NICN1: variants seen among roughly 807,000 people sequenced by gnomAD.
NICN1 encodes nicolin-1.
A neutral mutation model predicts 26.3 loss-of-function variants in NICN1; 18 were observed. That is an observed-to-expected ratio of 0.68 (90% CI 0.47 to 1.01). The LOEUF (loss-of-function observed/expected upper bound fraction) is 1.01. NICN1 is among the 50% of genes least tolerant of loss of function. NICN1 has a pLI of 0.00. For missense variants in NICN1, 239 were observed against 278.3 expected (o/e 0.86, Z 1.00); for synonymous variants, 109 against 111.0 (o/e 0.98, Z 0.11).
Position 49,423,174 on chromosome 3 carries a change from AC to A in NICN1, c.*1658del, listed in dbSNP as rs1455271638. 1 of 154,656 alleles carries A rather than the reference AC, an allele frequency of 6.5e-6. No homozygotes were observed. Among genetic ancestry groups the A allele is most frequent in the African/African-American group, 2.4e-5 (1 of 41,440 alleles). 9.6% of individuals were successfully genotyped at this position (154,656 alleles called of 1,614,324 possible). ...TCACAGGTGAGAACAGAGGGTGGCC[AC>A]CAAAAGGTCACTGAACTCCCCCGAG... is the stretch of plus-strand genomic sequence containing the variant. On this transcript the variant is annotated 3_prime_UTR_variant, in exon 6 of 6. Coordinates refer to ENST00000273598, the MANE Select transcript of NICN1 (RefSeq NM_032316.3).
chr3:49,422,761 G>T lies in NICN1; in HGVS notation c.*2072C>A, dbSNP rs2049134780. On this transcript the variant is annotated 3_prime_UTR_variant, in exon 6 of 6. Transcript: ENST00000273598. ...TGCAGAACCGCCCTGTCTCCAGAGGGTCAAAGTTCTGGAAAGGGCTGAAAG... is the reference window on the plus strand; with the variant it reads ...TGCAGAACCGCCCTGTCTCCAGAGGTTCAAAGTTCTGGAAAGGGCTGAAAG... The T allele has an allele frequency of 4.0e-6, 2 of 496,686 alleles. No homozygotes were observed. The highest frequency in any genetic ancestry group is 6.3e-5 in the Admixed American group (2 of 31,688). 30.8% of individuals were successfully genotyped at this position (496,686 alleles called of 1,614,324 possible).
At chr3:49,428,575 G>A (rs535613612) in intron 1 of NICN1, among the ~76,000 whole-genome samples, 1 of 152,014 alleles carries the variant, frequency 6.6e-6, no homozygotes, top group African/African-American at 2.4e-5. Flanking sequence ...TACAAAATTA[G>A]CTGGGCATGG....
chr3:49,426,750 A>G (rs898139070), intron 1 of NICN1, among the ~76,000 whole-genome samples: 4 of 152,058 alleles, frequency 2.6e-5, no homozygotes, highest in Non-Finnish European at 4.4e-5. Flanking sequence ...GGATGCTCTC[A>G]AATTCCTGAC....
At chr3:49,424,926 A>G (rs371751062) in intron 5 of NICN1, 23 bp downstream of exon 5, 7 of 1,613,388 alleles carry the variant, frequency 4.3e-6, no homozygotes, top group South Asian at 1.1e-5. Flanking sequence ...AAGCAAGCCA[A>G]GCAGAAGGAA....
At chr3:49,426,175 T>G in intron 2 of NICN1, 77 bp downstream of exon 2, 6 of 1,448,206 alleles carry the variant, frequency 4.1e-6, no homozygotes, top group Non-Finnish European at 5.7e-6. Flanking sequence ...TCTTCCCTCT[T>G]GGTATATTGA....
intron 3 of NICN1, 36 bp from the exon 4 acceptor site, chr3:49,425,474 A>T (rs1402664402): frequency 2.6e-6 from 4 of 1,551,468 alleles, no homozygotes; most frequent in Non-Finnish European, 3.5e-6. Context: ...GAGTGAGACA[A>T]AGTGGACAGC....
rs762639505 is a variant in NICN1 at position 49,429,142 on chromosome 3, A to G, written c.98T>C (p.Ile33Thr). 6.2e-7 allele frequency: 1 copy of G among 1,610,846 alleles called. No homozygotes were observed. The highest frequency in any genetic ancestry group is 1.1e-5 in the South Asian group (1 of 90,846). ...AGCGACGCTGGGGAAGGTGACATCG[A>G]TGACCAGCACGCCAGGCCGGCCTTG... is the stretch of plus-strand genomic sequence containing the variant. ...TSQGRPGVLV[I>T]DVTFPSVAPF... The change falls in exon 1 of 6, where the codon ATC becomes ACC. Residue 33 changes from isoleucine (I) to threonine (T), a missense_variant. Physicochemically the swap from Ile to Thr is moderately conservative, Grantham distance 89 (BLOSUM62 -1). Transcript: ENST00000273598.
rs2049132924 is a variant in NICN1, at chr3:49,422,644, C to T, written c.*2189G>A. 2.8e-6 allele frequency: 2 copies of T among 714,734 alleles called. No homozygotes were observed. The highest frequency in any genetic ancestry group is 3.5e-5 in the African/African-American group (2 of 57,372). The allele number at this position is 714,734 out of a possible 1,614,324, so 44.3% of individuals were successfully genotyped here. Reference sequence around the variant, plus strand: ...GAACCCGCAACCACAGGGAAGAAGCCTCCAGCTCTTTCGGCTGACTCTTCA... The same window carrying T: ...GAACCCGCAACCACAGGGAAGAAGCTTCCAGCTCTTTCGGCTGACTCTTCA... On this transcript the variant is annotated 3_prime_UTR_variant, in exon 6 of 6. Transcript: ENST00000273598.
chr3:49,428,579 G>A (rs2049193407), intron 1 of NICN1, among the ~76,000 whole-genome samples: 1 of 151,826 alleles, frequency 6.6e-6, no homozygotes, highest in African/African-American at 2.4e-5. Flanking sequence ...AAATTAGCTG[G>A]GCATGGTGGT....
rs2049156755 is a variant in NICN1 at position 49,424,774 on chromosome 3, G to A, written c.*59C>T. The A allele has an allele frequency of 7.2e-7, 1 of 1,388,986 alleles. No individual in the cohort carries two copies. The highest frequency in any genetic ancestry group is 1.0e-6 in the Non-Finnish European group (1 of 974,986). 86.0% of individuals were successfully genotyped at this position (1,388,986 alleles called of 1,614,324 possible). On this transcript the variant is annotated 3_prime_UTR_variant, in exon 6 of 6. Coordinates refer to ENST00000273598, the MANE Select transcript of NICN1 (RefSeq NM_032316.3). ...CAGGAAATACACTTCAGCCTCTGGT[G>A]GCCCAAACCAAGTCTGGGTGGGCAC...
intron 1 of NICN1, among the ~76,000 whole-genome samples, chr3:49,427,278 G>A (rs1213794107): frequency 7.4e-5 from 11 of 149,382 alleles, no homozygotes; most frequent in Admixed American, 4.7e-4. Context: ...CTGAGATCGC[G>A]CCATTCCACT....
In NICN1 at chr3:49,425,042, G is replaced by A. The variant is rs1163375782; in HGVS notation, c.507C>T (p.Asp169=). ...GCACCTCGGAGGATACCCTGCTGGGGTCTGGGAGACCCTGCTCCAGAAGGA... is the reference window on the plus strand; with the variant it reads ...GCACCTCGGAGGATACCCTGCTGGGATCTGGGAGACCCTGCTCCAGAAGGA... ...QPALLREGLP[D]PSRVSSEVQQ... is the part of the protein sequence containing the mutation. Residue 169 remains aspartate, a synonymous_variant, in exon 5 of 6, where the codon GAC becomes GAT. Coordinates refer to ENST00000273598, the MANE Select transcript of NICN1 (RefSeq NM_032316.3). 1 of 1,613,858 alleles carries A rather than the reference G, an allele frequency of 6.2e-7. No homozygotes were observed. Among genetic ancestry groups the A allele is most frequent in the Admixed American group, 1.7e-5 (1 of 60,024 alleles).
At chr3:49,425,515 A>G (rs770233807) in intron 3 of NICN1, 77 bp from the exon 4 acceptor site, 5 of 1,245,570 alleles carry the variant, frequency 4.0e-6, no homozygotes, top group African/African-American at 1.5e-5. Flanking sequence ...TCCTAGGAGC[A>G]GAGAGAAGGG....
In NICN1 at chr3:49,426,292, T is replaced by C; in HGVS notation, c.269A>G (p.Glu90Gly). The change falls in exon 2 of 6, where the codon GAG becomes GGG. Residue 90 changes from glutamate to glycine, a missense_variant. Transcript: ENST00000273598. ...DYCLMPDPHS[E>G]EGAQEYVSLF... ...CGATACATACTCCTGGGCTCCCTCC[T>C]CACTGTGTGGGTCAGGCATTAGGCA... 1 of 1,614,210 alleles carries C rather than the reference T, an allele frequency of 6.2e-7. No individual in the cohort carries two copies. Among genetic ancestry groups the C allele is most frequent in the Non-Finnish European group, 8.5e-7 (1 of 1,180,036 alleles).
At position 49,422,894 on chromosome 3, in the gene NICN1, A is replaced by T; in HGVS notation, c.*1939T>A. 3.3e-6 allele frequency: 1 copy of T among 303,860 alleles called. No individual in the cohort carries two copies. The highest frequency in any genetic ancestry group is 3.0e-5 in the South Asian group (1 of 33,292). The allele number at this position is 303,860 out of a possible 1,614,324, so 18.8% of individuals were successfully genotyped here. On this transcript the variant is annotated 3_prime_UTR_variant, in exon 6 of 6. Coordinates refer to ENST00000273598, the MANE Select transcript of NICN1 (RefSeq NM_032316.3). ...ACCACAGTAGTCTGTCCTCATGTGG[A>T]CCCCTAGTTCCACAGCTCTCCCACC...
rs1246480494 is a variant in NICN1 at position 49,424,352 on chromosome 3, A to G, written c.*481T>C. 1 of 183,774 alleles carries G rather than the reference A, an allele frequency of 5.4e-6. No individual in the cohort carries two copies. Among genetic ancestry groups the G allele is most frequent in the Non-Finnish European group, 1.1e-5 (1 of 87,594 alleles). 11.4% of individuals were successfully genotyped at this position (183,774 alleles called of 1,614,324 possible). A position where few individuals can be genotyped will look rare whatever the true frequency, so the allele number is the denominator to read the frequency against. On this transcript the variant is annotated 3_prime_UTR_variant, in exon 6 of 6. Coordinates refer to ENST00000273598, the MANE Select transcript of NICN1 (RefSeq NM_032316.3). The stretch of plus-strand genomic sequence containing the variant: ...AAATTTCTCTCTGTGGCATAACACA[A>G]ATGGAAAGAAAACCACTAGGGGACA...
rs753669571 is a variant in NICN1, at chr3:49,426,332, A to G, written c.229T>C (p.Cys77Arg). Residue 77 changes from cysteine to arginine, a missense_variant, in exon 2 of 6, where the codon TGC (cysteine) becomes CGC (arginine). Physicochemically the swap from Cys to Arg is radical, Grantham distance 180. Coordinates refer to ENST00000273598, the MANE Select transcript of NICN1 (RefSeq NM_032316.3). ...GGCATTAGGCAGTAGTCCCGCAGGCAGGTCACCCACTTGGCAGGTGTGTGT... is the reference window on the plus strand; with the variant it reads ...GGCATTAGGCAGTAGTCCCGCAGGCGGGTCACCCACTTGGCAGGTGTGTGT... ...SAHTPAKWVT[C>R]LRDYCLMPDP... 5 of 1,614,072 alleles carry G rather than the reference A, an allele frequency of 3.1e-6. No homozygotes were observed. In the African/African-American group the frequency reaches 6.7e-5, roughly 22 times the overall value.
chr3:49,424,892 A>G lies in NICN1; in HGVS notation c.601-18T>C, dbSNP rs750917797. The G allele has an allele frequency of 6.2e-7, 1 of 1,612,768 alleles. No individual in the cohort carries two copies. The highest frequency in any genetic ancestry group is 8.5e-7 in the Non-Finnish European group (1 of 1,178,804). On this transcript the variant is annotated intron_variant, in intron 5 of 5. Coordinates refer to ENST00000273598, the MANE Select transcript of NICN1 (RefSeq NM_032316.3). ...CCATCCACCTGAAATACAAAAGACCATCAGGTCTGATCTGCTCAGGGCAAA... is the reference window on the plus strand; with the variant it reads ...CCATCCACCTGAAATACAAAAGACCGTCAGGTCTGATCTGCTCAGGGCAAA...
chr3:49,428,110 C>T (rs1259026202), intron 1 of NICN1, among the ~76,000 whole-genome samples: 1 of 152,006 alleles, frequency 6.6e-6, no homozygotes. Flanking sequence ...ATCCCAGCTA[C>T]TTGGGAGGCT....
Sources: gnomAD v4.1 joint callset for allele counts (sites outside exome capture counted in the v4.1 genomes callset) on GRCh38, gnomAD v4.1.1 for gene constraint, MANE v1.5 for transcripts, NCBI Gene and HGNC (gene_info 2026-07-23, HGNC 2026-07-21) for gene names.